The following PIWIL4 variants were observed in gnomAD, a reference collection of about 807,000 sequenced individuals.
The protein encoded by PIWIL4 is piwi-like protein 4.
PIWIL4 carries 50 observed loss-of-function variants against 100.9 expected under a neutral mutation model. The observed-to-expected ratio is 0.50, with a 90% CI of 0.39 to 0.63. PIWIL4 has a LOEUF of 0.63. Among genes scored for constraint, PIWIL4 ranks in the 20% least tolerant of loss-of-function variants. The probability of loss-of-function intolerance (pLI) is 0.00; values close to 1 mark genes in which losing one functional copy is unlikely to be tolerated. For synonymous variants in PIWIL4, 342 were observed against 367.5 expected (o/e 0.93, Z 0.79); for missense variants, 887 against 1,043.3 (o/e 0.85, Z 2.06).
At chr11:94,599,464 T>A (rs1948605927) in intron 11 of PIWIL4, among the ~76,000 whole-genome samples, 1 of 152,170 alleles carries the variant, frequency 6.6e-6, no homozygotes, top group Non-Finnish European at 1.5e-5. Flanking sequence ...CAGGGTACAT[T>A]GTCCTGGGTC....
chr11:94,611,590 A>G (rs557952998), intron 15 of PIWIL4, among the ~76,000 whole-genome samples: 1 of 152,286 alleles, frequency 6.6e-6, no homozygotes, highest in Admixed American at 6.5e-5. Context: ...GTGATCCCCA[A>G]TGTTGAAGGT....
intron 10 of PIWIL4, among the ~76,000 whole-genome samples, chr11:94,597,579 C>T (rs559057193): frequency 7.9e-5 from 12 of 152,236 alleles, no homozygotes; most frequent in Admixed American, 2.6e-4. Flanking sequence ...CTGTCTGGCT[C>T]GAAAGCTTAT....
chr11:94,583,990 G>A (rs1948362260), intron 5 of PIWIL4, among the ~76,000 whole-genome samples: 1 of 152,090 alleles, frequency 6.6e-6, no homozygotes, highest in Non-Finnish European at 1.5e-5. Context: ...TCTGCTTTCT[G>A]CCCTGGCTCC....
At chr11:94,581,147 G>A (rs549041767) in intron 4 of PIWIL4, among the ~76,000 whole-genome samples, 3 of 152,078 alleles carry the variant, frequency 2.0e-5, no homozygotes, top group East Asian at 1.9e-4. Flanking sequence ...TGATCCACCC[G>A]CCTCAGCCTC....
At chr11:94,598,705 CTTTTT>C (rs769342028) in intron 11 of PIWIL4, among the ~76,000 whole-genome samples, 2 of 110,066 alleles carry the variant, frequency 1.8e-5, no homozygotes, top group African/African-American at 7.1e-5. Flanking sequence ...TTTTTTCCAT[CTTTTT>C]TTTTTTTTTT....
intron 3 of PIWIL4, among the ~76,000 whole-genome samples, chr11:94,575,820 C>A (rs571178872): frequency 8.5e-5 from 13 of 152,072 alleles, no homozygotes; most frequent in Non-Finnish European, 1.8e-4. Context: ...ACCCAGCTGC[C>A]GTTTGAAAAC....
chr11:94,581,270 A>T (rs1002886292), intron 4 of PIWIL4, among the ~76,000 whole-genome samples: 5 of 152,108 alleles, frequency 3.3e-5, no homozygotes, highest in Admixed American at 6.6e-5. Flanking sequence ...GGCTAAATAT[A>T]TTGCCCAAGG....
At chr11:94,580,403 A>G (rs553997010) in intron 4 of PIWIL4, among the ~76,000 whole-genome samples, 13 of 152,130 alleles carry the variant, frequency 8.5e-5, no homozygotes, top group African/African-American at 2.7e-4. Context: ...AGTTGACGCA[A>G]TGAACTCCTA....
chr11:94,586,105 T>C (rs1009841018), intron 6 of PIWIL4, among the ~76,000 whole-genome samples: 1 of 152,024 alleles, frequency 6.6e-6, no homozygotes, highest in African/African-American at 2.4e-5. Context: ...GCATAAAAGA[T>C]AGAAAATGGG....
At chr11:94,615,837 A>G (rs1241899535) in intron 15 of PIWIL4, among the ~76,000 whole-genome samples, 1 of 152,192 alleles carries the variant, frequency 6.6e-6, no homozygotes, top group Non-Finnish European at 1.5e-5. Context: ...AGAGAGGTAT[A>G]ATAATGCTGG....
intron 16 of PIWIL4, among the ~76,000 whole-genome samples, chr11:94,617,353 A>AT (rs11326953): frequency 1.2e-4 from 18 of 150,900 alleles, no homozygotes; most frequent in East Asian, 2.0e-4. Flanking sequence ...TTAGCAGGTA[A>AT]TTTTTTTTTT....
chr11:94,614,860 G>A (rs1392406825), intron 15 of PIWIL4, among the ~76,000 whole-genome samples: 1 of 152,154 alleles, frequency 6.6e-6, no homozygotes, highest in Non-Finnish European at 1.5e-5. Context: ...CAGGCCAGCT[G>A]TCAAGAGGCT....
intron 10 of PIWIL4, among the ~76,000 whole-genome samples, chr11:94,596,959 C>T (rs925271842): frequency 3.3e-5 from 5 of 152,142 alleles, no homozygotes; most frequent in African/African-American, 4.8e-5. Context: ...GAAACAAAAG[C>T]GTGGGGATCT....
intron 2 of PIWIL4, among the ~76,000 whole-genome samples, chr11:94,570,028 G>T (rs373626644): frequency 2.3e-4 from 35 of 152,250 alleles, no homozygotes; most frequent in Admixed American, 6.5e-4. Flanking sequence ...TGGAAGGATG[G>T]TAGAAACCTG....
At chr11:94,617,652 T>C in intron 16 of PIWIL4, 1 of 394,686 alleles carries the variant, frequency 2.5e-6, no homozygotes, top group Non-Finnish European at 4.4e-6. Context: ...TAGGCATTTG[T>C]CTATTGCATT....
chr11:94,600,880 A>G (rs1948627992), intron 11 of PIWIL4, among the ~76,000 whole-genome samples: 1 of 152,110 alleles, frequency 6.6e-6, no homozygotes, highest in South Asian at 2.1e-4. Flanking sequence ...TTTTGAAAGA[A>G]GAGAAATATG....
At chr11:94,608,201 G>A (rs1948745982) in intron 14 of PIWIL4, 1 of 184,360 alleles carries the variant, frequency 5.4e-6, no homozygotes, top group South Asian at 1.2e-4. Flanking sequence ...AGCCAAGTGA[G>A]GATTCCTTAG....
intron 5 of PIWIL4, among the ~76,000 whole-genome samples, chr11:94,585,184 T>C (rs1948381182): frequency 6.6e-6 from 1 of 152,240 alleles, no homozygotes; most frequent in African/African-American, 2.4e-5. Context: ...CCATAATGGC[T>C]AATTGACCAC....
intron 1 of PIWIL4, chr11:94,567,840 G>A: frequency 9.0e-7 from 1 of 1,116,692 alleles, no homozygotes; most frequent in Non-Finnish European, 1.1e-6. Context: ...TGAAGATTGG[G>A]GACAAATATG....
Sources: allele counts gnomAD v4.1 joint callset (sites outside exome capture counted in the v4.1 genomes callset), GRCh38; gene constraint gnomAD v4.1.1; transcripts MANE v1.5; gene names NCBI Gene and HGNC (gene_info 2026-07-23, HGNC 2026-07-21).